DGKB: variants seen among roughly 807,000 people sequenced by gnomAD.
DGKB encodes the protein diacylglycerol kinase beta.
A neutral mutation model predicts 114.3 loss-of-function variants in DGKB; 67 were observed. That is an observed-to-expected ratio of 0.59 (90% CI 0.48 to 0.72). DGKB has a LOEUF of 0.72. DGKB is among the 30% of genes least tolerant of loss of function. The pLI is 0.00. For synonymous variants in DGKB, 398 were observed against 323.1 expected, an observed-to-expected ratio of 1.23 and a Z score of -2.49; for missense variants, 907 against 975.2, an observed-to-expected ratio of 0.93 and a Z score of 0.93.
At chr7:14,756,577 G>T (rs908620999) in intron 3 of DGKB, among the ~76,000 whole-genome samples, 13 of 151,846 alleles carry the variant, frequency 8.6e-5, no homozygotes, top group Non-Finnish European at 1.6e-4. Context: ...AATGTAGAGA[G>T]AATAAGAAAA....
intron 7 of DGKB, among the ~76,000 whole-genome samples, chr7:14,700,596 G>C (rs1824997193): frequency 6.6e-6 from 1 of 152,126 alleles, no homozygotes; most frequent in South Asian, 2.1e-4. Context: ...TCATTTCCTA[G>C]AGTAGGAGTT....
intron 6 of DGKB, among the ~76,000 whole-genome samples, chr7:14,706,037 C>A (rs1306535462): frequency 6.6e-6 from 1 of 150,578 alleles, no homozygotes; most frequent in Non-Finnish European, 1.5e-5. Flanking sequence ...GATAAAGAGT[C>A]AAGACCCATC....
chr7:14,595,164 G>T (rs978081499), intron 17 of DGKB, among the ~76,000 whole-genome samples: 2 of 152,086 alleles, frequency 1.3e-5, no homozygotes, highest in Non-Finnish European at 2.9e-5. Flanking sequence ...TTGGGGGACA[G>T]AAGTGAGGAG....
At chr7:14,470,052 A>G (rs1781050077) in intron 21 of DGKB, among the ~76,000 whole-genome samples, 1 of 151,936 alleles carries the variant, frequency 6.6e-6, no homozygotes, top group Non-Finnish European at 1.5e-5. Context: ...CAAAAATTTC[A>G]TTTAAATGAT....
rs921463661 is a variant in DGKB at position 14,253,280 on chromosome 7, G to A, written c.2123-75129C>T. On this transcript the variant is annotated intron_variant, in intron 23 of 25. Transcript: ENST00000402815. ...GAACTCCTGACCTCGTGATCCGCCCGCCTCAGCCTCCTAAATGCTGGGATT... is the reference window on the plus strand; with the variant it reads ...GAACTCCTGACCTCGTGATCCGCCCACCTCAGCCTCCTAAATGCTGGGATT... 7.8e-4 allele frequency among the ~76,000 whole-genome samples: 118 copies of A among 152,114 alleles called. 2 individuals are homozygous for A. The highest frequency in any genetic ancestry group is 4.6e-3 in the Admixed American group (71 of 15,286).
At chr7:14,709,626 C>CT (rs938532818) in intron 6 of DGKB, among the ~76,000 whole-genome samples, 1 of 145,224 alleles carries the variant, frequency 6.9e-6, no homozygotes, top group African/African-American at 2.5e-5. Flanking sequence ...CCATGGAACA[C>CT]TATGCAGCCA....
Position 14,148,794 on chromosome 7 carries a change from C to A in DGKB, c.*337G>T. ...AGAATCACGTTTCCCATGGTATTTC[C>A]TTTTTCATGTTTCACGGGTTTTTCT... On this transcript the variant is annotated 3_prime_UTR_variant, in exon 26 of 26. Coordinates refer to ENST00000402815, the MANE Select transcript of DGKB (RefSeq NM_001350709.2). 9.1e-6 allele frequency: 3 copies of A among 328,652 alleles called. No homozygotes were observed. Among genetic ancestry groups the A allele is most frequent in the South Asian group, 3.1e-5 (1 of 31,820 alleles). The allele number at this position is 328,652 out of a possible 1,614,324, so 20.4% of individuals were successfully genotyped here. A position where few individuals can be genotyped will look rare whatever the true frequency, so the allele number is the denominator to read the frequency against.
chr7:14,386,052 G>GTAA (rs1820287503), intron 21 of DGKB, among the ~76,000 whole-genome samples: 1 of 152,314 alleles, frequency 6.6e-6, no homozygotes, highest in Admixed American at 6.5e-5. Context: ...GTTTCCAGAA[G>GTAA]TAATGGTTGT....
At chr7:14,262,255 G>C (rs988652141) in intron 23 of DGKB, among the ~76,000 whole-genome samples, 2 of 152,184 alleles carry the variant, frequency 1.3e-5, no homozygotes, top group African/African-American at 2.4e-5. Flanking sequence ...TGGTACTGTG[G>C]TTTGAATGTT....
rs1264290112 is a variant in DGKB, at chr7:14,250,130, ATATTT to A, written c.2123-71984_2123-71980del. Among the ~76,000 whole-genome samples the A allele has an allele frequency of 1.9e-4, 12 of 62,852 alleles. 1 individual carries two copies. Among genetic ancestry groups the A allele is most frequent in the African/African-American group, 7.5e-4 (12 of 16,014 alleles). The allele number at this position is 62,852 out of a possible 152,430, so 41.2% of individuals were successfully genotyped here. A position where few individuals can be genotyped will look rare whatever the true frequency, so the allele number is the denominator to read the frequency against. ...CTACCACACTTGGCTATATATATAT[ATATTT>A]TTTTTTTTTTTTTGGTAGAAATGCG... On this transcript the variant is annotated intron_variant, in intron 23 of 25. Coordinates refer to ENST00000402815, the MANE Select transcript of DGKB (RefSeq NM_001350709.2).
At chr7:14,892,773 C>T (rs1781454921) in intron 1 of DGKB, among the ~76,000 whole-genome samples, 1 of 150,672 alleles carries the variant, frequency 6.6e-6, no homozygotes, top group Non-Finnish European at 1.5e-5. Flanking sequence ...ACCTAAATAC[C>T]TGTTCAAATT....
intron 23 of DGKB, among the ~76,000 whole-genome samples, chr7:14,195,768 CATG>C (rs987360672): frequency 2.0e-5 from 3 of 152,072 alleles, no homozygotes; most frequent in Middle Eastern, 3.2e-3. Flanking sequence ...AAGGACAGAA[CATG>C]ATGATGAGGA....
chr7:14,235,349 G>A lies in DGKB; in HGVS notation c.2123-57198C>T, dbSNP rs190115930. On this transcript the variant is annotated intron_variant, in intron 23 of 25. Transcript: ENST00000402815. The stretch of plus-strand genomic sequence containing the variant: ...GGTCTCTCTACAGTTTTCTCAGCAT[G>A]CCATTTCTATTATAATTATCTTAAC... Among the ~76,000 whole-genome samples the A allele has an allele frequency of 2.0e-5, 3 of 152,172 alleles. No homozygotes were observed. In the East Asian group the frequency reaches 5.8e-4, roughly 30 times the overall value.
At chr7:14,359,006 C>G (rs768629264) in intron 21 of DGKB, among the ~76,000 whole-genome samples, 1 of 151,922 alleles carries the variant, frequency 6.6e-6, no homozygotes, top group Non-Finnish European at 1.5e-5. Flanking sequence ...CCATCCTAAG[C>G]AAAAAGAACA....
At chr7:14,740,771 C>T (rs575083723) in intron 4 of DGKB, among the ~76,000 whole-genome samples, 61 of 152,000 alleles carry the variant, frequency 4.0e-4, no homozygotes, top group East Asian at 9.7e-4. Flanking sequence ...AGTGAGTGCA[C>T]GGGGAAGTGC....
rs1273834705 is a variant in DGKB at position 14,946,696 on chromosome 7, A to G, written c.-188+28000T>C. On this transcript the variant is annotated intron_variant, in intron 1 of 4. Transcript: ENST00000437998. ...AGTTTTCAAACGGAATGTGACTTGTACCAAATATCCTAGCCATTGAAGAAT... is the reference window on the plus strand; with the variant it reads ...AGTTTTCAAACGGAATGTGACTTGTGCCAAATATCCTAGCCATTGAAGAAT... 1.1e-4 allele frequency among the ~76,000 whole-genome samples: 17 copies of G among 151,846 alleles called. 1 individual carries two copies. The East Asian group carries it at 3.3e-3, about 29-fold the overall frequency.
At chr7:14,852,487 C>CAAAAAAAAAAAAACAAAAAAAAA in intron 1 of DGKB, among the ~76,000 whole-genome samples, 1 of 63,636 alleles carries the variant, frequency 1.6e-5, no homozygotes, top group African/African-American at 6.7e-5. Context: ...TAGTGAAAGT[C>CAAAAAAAAAAAAACAAAAAAAAA]AAAAAAAAAA....
chr7:14,823,746 G>T (rs941203788), intron 2 of DGKB, among the ~76,000 whole-genome samples: 1 of 152,108 alleles, frequency 6.6e-6, no homozygotes, highest in African/African-American at 2.4e-5. Context: ...ATTTTTCCCT[G>T]CTTCTCCATA....
At chr7:14,847,080 GGA>G (rs1453782952) in intron 1 of DGKB, among the ~76,000 whole-genome samples, 1 of 152,082 alleles carries the variant, frequency 6.6e-6, no homozygotes, top group African/African-American at 2.4e-5. Context: ...CACGAGGTCA[GGA>G]GATCGAGACC....
Sources: allele counts gnomAD v4.1 joint callset (sites outside exome capture counted in the v4.1 genomes callset), GRCh38; gene constraint gnomAD v4.1.1; transcripts MANE v1.5; gene names NCBI Gene and HGNC (gene_info 2026-07-23, HGNC 2026-07-21).